PTER: variants seen among roughly 807,000 people sequenced by gnomAD.
PTER encodes the protein phosphotriesterase related.
PTER carries 38 observed loss-of-function variants against 29.6 expected under a neutral mutation model. The ratio of observed to expected loss-of-function variants is 1.28; its 90% confidence interval spans 0.99 to 1.68. PTER has a LOEUF of 1.68. Among genes scored for constraint, PTER ranks in the 40% most tolerant of loss-of-function variants. The pLI is 0.00. For synonymous variants in PTER, 172 were observed against 154.5 expected, an observed-to-expected ratio of 1.11 and a Z score of -0.84; for missense variants, 482 against 427.8, an observed-to-expected ratio of 1.13 and a Z score of -1.12.
intron 2 of PTER, 127 bp from the exon 3 acceptor site, chr10:16,486,225 G>T: frequency 2.7e-6 from 3 of 1,126,978 alleles, no homozygotes; most frequent in Non-Finnish European, 3.7e-6. Flanking sequence ...AATATTAATT[G>T]ATAAATACTG....
intron 1 of PTER, among the ~76,000 whole-genome samples, chr10:16,450,452 T>G (rs1834163728): frequency 6.6e-6 from 1 of 152,188 alleles, no homozygotes; most frequent in South Asian, 2.1e-4. Context: ...TCATAAGAGT[T>G]TATAAGCTCG....
chr10:16,490,257 T>C (rs1439450902), intron 3 of PTER, among the ~76,000 whole-genome samples: 1 of 152,192 alleles, frequency 6.6e-6, no homozygotes, highest in East Asian at 1.9e-4. Context: ...CTCTTGGTAC[T>C]TGAAGTACGG....
chr10:16,506,042 G>A (rs1035135324), intron 4 of PTER, among the ~76,000 whole-genome samples: 2 of 152,110 alleles, frequency 1.3e-5, no homozygotes, highest in Non-Finnish European at 2.9e-5. Flanking sequence ...TAACATGAGA[G>A]ATATATATTC....
At chr10:16,495,564 GTTATT>G (rs1836064766) in intron 3 of PTER, among the ~76,000 whole-genome samples, 1 of 152,128 alleles carries the variant, frequency 6.6e-6, no homozygotes, top group African/African-American at 2.4e-5. Context: ...GCATTCTGTT[GTTATT>G]TTATTTGTAT....
intron 1 of PTER, among the ~76,000 whole-genome samples, chr10:16,477,258 C>CGATAGATAGATA (rs56294482): frequency 0.14 from 21,348 of 147,904 alleles, 1,723 homozygotes; most frequent in East Asian, 0.23. Context: ...TTCTGTCTTT[C>CGATAGATAGATA]GATAGATAGA....
chr10:16,437,699 C>T (rs567840612), intron 1 of PTER, among the ~76,000 whole-genome samples: 1 of 152,282 alleles, frequency 6.6e-6, no homozygotes, highest in African/African-American at 2.4e-5. Flanking sequence ...TTGCTTAATC[C>T]ACTCTGCAGC....
At chr10:16,462,470 A>G (rs1180826655) in intron 1 of PTER, among the ~76,000 whole-genome samples, 1 of 151,892 alleles carries the variant, frequency 6.6e-6, no homozygotes, top group Non-Finnish European at 1.5e-5. Context: ...TTATAGCAGT[A>G]TCCTAAGGGT....
chr10:16,469,352 C>G (rs1372405767), intron 1 of PTER, among the ~76,000 whole-genome samples: 1 of 152,144 alleles, frequency 6.6e-6, no homozygotes, highest in East Asian at 1.9e-4. Context: ...GAAGAAGACT[C>G]AGGGAGAGAC....
At position 16,467,057 on chromosome 10, in the gene PTER, T is replaced by C. The variant is rs74127542; in HGVS notation, c.-48-17280T>C. ...TTGGAGATGAAGTCACTTGCTGTTA[T>C]TTTTTTATATGCTCAAGATTCTGGC... On this transcript the variant is annotated intron_variant, in intron 1 of 4. Transcript: ENST00000535784. 2.9e-3 allele frequency among the ~76,000 whole-genome samples: 445 copies of C among 152,292 alleles called. 3 individuals are homozygous for C. Among genetic ancestry groups the C allele is most frequent in the African/African-American group, 9.1e-3 (379 of 41,582 alleles).
chr10:16,478,320 T>A (rs1156502079), intron 1 of PTER, among the ~76,000 whole-genome samples: 1 of 147,746 alleles, frequency 6.8e-6, no homozygotes, highest in African/African-American at 2.5e-5. Flanking sequence ...CTCTCCCTTT[T>A]CCTCCCTCGT....
intron 1 of PTER, among the ~76,000 whole-genome samples, chr10:16,470,645 G>C (rs1026204201): frequency 6.6e-6 from 1 of 152,078 alleles, no homozygotes; most frequent in Non-Finnish European, 1.5e-5. Flanking sequence ...GCGGGTGCCC[G>C]TAATCCCAGC....
intron 1 of PTER, among the ~76,000 whole-genome samples, chr10:16,479,206 G>A (rs943417467): frequency 6.6e-6 from 1 of 152,164 alleles, no homozygotes; most frequent in Non-Finnish European, 1.5e-5. Context: ...AACTTGCTGG[G>A]TCCCATTATT....
intron 1 of PTER, among the ~76,000 whole-genome samples, chr10:16,481,048 T>G (rs1029350330): frequency 1.3e-5 from 2 of 152,210 alleles, no homozygotes; most frequent in Non-Finnish European, 2.9e-5. Context: ...TGCATCAGAA[T>G]TAGAAATGTT....
intron 1 of PTER, among the ~76,000 whole-genome samples, chr10:16,439,252 A>G (rs1305622888): frequency 6.6e-6 from 1 of 152,138 alleles, no homozygotes; most frequent in African/African-American, 2.4e-5. Context: ...GCTTTTCTGG[A>G]GGGACTTAGG....
At chr10:16,472,578 T>C (rs1407672481) in intron 1 of PTER, among the ~76,000 whole-genome samples, 1 of 152,182 alleles carries the variant, frequency 6.6e-6, no homozygotes, top group East Asian at 1.9e-4. Flanking sequence ...CATATGGAAT[T>C]GTGAGTCCAT....
chr10:16,448,426 C>T (rs937101132), intron 1 of PTER, among the ~76,000 whole-genome samples: 1 of 152,180 alleles, frequency 6.6e-6, no homozygotes, highest in African/African-American at 2.4e-5. Flanking sequence ...GAACGTGTTA[C>T]CTCCAACAGT....
downstream of PTER, among the ~76,000 whole-genome samples, chr10:16,517,702 T>G (rs1269988917): frequency 6.6e-6 from 1 of 152,196 alleles, no homozygotes; most frequent in Non-Finnish European, 1.5e-5. Context: ...AGGGATATGT[T>G]TCTGTGTCTG....
chr10:16,463,541 G>T (rs375031637), intron 1 of PTER, among the ~76,000 whole-genome samples: 2 of 152,112 alleles, frequency 1.3e-5, no homozygotes, highest in Non-Finnish European at 2.9e-5. Context: ...TCAGCCTCCC[G>T]ATTAGCCGGG....
chr10:16,481,590 G>A (rs891263679), intron 1 of PTER, among the ~76,000 whole-genome samples: 3 of 152,192 alleles, frequency 2.0e-5, no homozygotes, highest in Non-Finnish European at 4.4e-5. Flanking sequence ...GGAAGTGCCA[G>A]CCAGTTCTGC....
Sources: gnomAD v4.1 joint callset for allele counts (sites outside exome capture counted in the v4.1 genomes callset) on GRCh38, gnomAD v4.1.1 for gene constraint, MANE v1.5 for transcripts, NCBI Gene and HGNC (gene_info 2026-07-23, HGNC 2026-07-21) for gene names.